The following RPTOR variants were observed in gnomAD, a reference collection of about 807,000 sequenced individuals.
The protein encoded by RPTOR is regulatory-associated protein of mTOR.
RPTOR carries 21 observed loss-of-function variants against 169.9 expected under a neutral mutation model. The observed-to-expected ratio is 0.12, with a 90% CI of 0.09 to 0.18. The LOEUF is 0.18. Among genes scored for constraint, RPTOR ranks in the 10% least tolerant of loss-of-function variants. The pLI, the probability that RPTOR is intolerant of heterozygous loss-of-function variation, is 1.00. For missense variants in RPTOR, 1,133 were observed against 1,855.9 expected (o/e 0.61, Z 7.16); for synonymous variants, 732 against 753.2 (o/e 0.97, Z 0.46).
At chr17:80,891,917 C>T in intron 18 of RPTOR, 80 bp downstream of exon 18, 1 of 940,118 alleles carries the variant, frequency 1.1e-6, no homozygotes, top group Non-Finnish European at 1.7e-6. Flanking sequence ...TCTTGCTCAC[C>T]CTCGCAGAGT....
chr17:80,895,478 C>T (rs1029666029), intron 20 of RPTOR, among the ~76,000 whole-genome samples: 1 of 152,338 alleles, frequency 6.6e-6, no homozygotes, highest in African/African-American at 2.4e-5. Flanking sequence ...GCTTGAGAGC[C>T]GCACGTGCAG....
chr17:80,874,438 A>G (rs1459534569), intron 13 of RPTOR, among the ~76,000 whole-genome samples: 6 of 151,808 alleles, frequency 4.0e-5, no homozygotes, highest in Admixed American at 3.3e-4. Flanking sequence ...CTCATGATCC[A>G]CCCGCCTCGG....
intron 7 of RPTOR, among the ~76,000 whole-genome samples, chr17:80,815,550 G>T (rs1181127125): frequency 6.6e-6 from 1 of 152,248 alleles, no homozygotes; most frequent in Non-Finnish European, 1.5e-5. Context: ...AAGTGGGGAA[G>T]TGACATGGCC....
At chr17:80,795,602 A>C (rs2067093577) in intron 7 of RPTOR, among the ~76,000 whole-genome samples, 1 of 152,010 alleles carries the variant, frequency 6.6e-6, no homozygotes, top group Non-Finnish European at 1.5e-5. Context: ...TTAACTGTTA[A>C]TAGTAGGCAG....
In RPTOR at chr17:80,721,257, A is replaced by C. The variant is rs2143159545; in HGVS notation, c.508-9303A>C. ...CATCCTGGGGTCAGTAGGATGAAAGATGTCGTAGCAGCACAGGCAGCACTG... is the reference window on the plus strand; with the variant it reads ...CATCCTGGGGTCAGTAGGATGAAAGCTGTCGTAGCAGCACAGGCAGCACTG... On this transcript the variant is annotated intron_variant, in intron 4 of 33. Transcript: ENST00000306801. The surrounding 1 kb of genome is among the most constrained non-coding windows in gnomAD (Gnocchi z 4.7). Among the ~76,000 whole-genome samples, 1 of 151,390 alleles carries C rather than the reference A, an allele frequency of 6.6e-6. No homozygotes were observed. The highest frequency in any genetic ancestry group is 1.9e-4 in the East Asian group (1 of 5,186).
chr17:80,888,826 G>A (rs2068281045), intron 17 of RPTOR, among the ~76,000 whole-genome samples: 1 of 152,258 alleles, frequency 6.6e-6, no homozygotes, highest in Admixed American at 6.5e-5. Flanking sequence ...CCCTGGAGCT[G>A]GGGGAGGGGC....
At chr17:80,639,708 C>A (rs1048395379) in intron 2 of RPTOR, among the ~76,000 whole-genome samples, 4 of 152,194 alleles carry the variant, frequency 2.6e-5, no homozygotes, top group Non-Finnish European at 5.9e-5. Context: ...GCCATTGGGC[C>A]AGATTGAGGA....
At chr17:80,737,281 G>T (rs1027886795) in intron 5 of RPTOR, among the ~76,000 whole-genome samples, 1 of 152,210 alleles carries the variant, frequency 6.6e-6, no homozygotes, top group African/African-American at 2.4e-5. Context: ...GAAGTAGGGG[G>T]CGCTGGCTGC....
chr17:80,788,761 A>C (rs561607537), intron 6 of RPTOR, among the ~76,000 whole-genome samples: 5 of 152,364 alleles, frequency 3.3e-5, no homozygotes, highest in Admixed American at 2.6e-4. Context: ...AATGGTCGCC[A>C]AATAATAAGC....
chr17:80,898,114 T>G (rs2143896682), intron 20 of RPTOR, among the ~76,000 whole-genome samples: 1 of 152,306 alleles, frequency 6.6e-6, no homozygotes, highest in Non-Finnish European at 1.5e-5. Context: ...TGTATTCCAT[T>G]TCTTTAATGC....
chr17:80,868,485 G>A (rs1288256860), intron 13 of RPTOR, among the ~76,000 whole-genome samples: 7 of 152,204 alleles, frequency 4.6e-5, no homozygotes, highest in Non-Finnish European at 1.0e-4. Flanking sequence ...TCAAGTGTCG[G>A]CAAGGCCGTG....
chr17:80,933,590 T>C (rs1212681744), intron 24 of RPTOR, among the ~76,000 whole-genome samples: 1 of 152,198 alleles, frequency 6.6e-6, no homozygotes, highest in African/African-American at 2.4e-5. Context: ...CAGCCTTTTT[T>C]GCAAAAATTG....
At chr17:80,699,239 A>G (rs1348839873) in intron 3 of RPTOR, among the ~76,000 whole-genome samples, 2 of 152,282 alleles carry the variant, frequency 1.3e-5, no homozygotes, top group African/African-American at 4.8e-5. Context: ...GTATGTGCAC[A>G]AATATTTATT....
chr17:80,600,976 C>T (rs1404140758), intron 1 of RPTOR, among the ~76,000 whole-genome samples: 1 of 151,848 alleles, frequency 6.6e-6, no homozygotes. Flanking sequence ...CATTGAGAGG[C>T]GAAGTTGCTG....
chr17:80,667,731 T>G (rs1401165284), intron 3 of RPTOR, among the ~76,000 whole-genome samples: 2 of 152,188 alleles, frequency 1.3e-5, no homozygotes, highest in African/African-American at 2.4e-5. Flanking sequence ...TGGAGGCTCC[T>G]TCATTTGCTT....
Position 80,965,130 on chromosome 17 carries a change from T to C in RPTOR, c.*800T>C. The C allele has an allele frequency of 4.3e-6, 1 of 233,284 alleles. No individual in the cohort carries two copies. Among genetic ancestry groups the C allele is most frequent in the Non-Finnish European group, 8.5e-6 (1 of 118,058 alleles). The allele number at this position is 233,284 out of a possible 1,614,324, so 14.5% of individuals were successfully genotyped here. A position where few individuals can be genotyped will look rare whatever the true frequency, so the allele number is the denominator to read the frequency against. On this transcript the variant is annotated 3_prime_UTR_variant, in exon 34 of 34. Coordinates refer to ENST00000306801, the MANE Select transcript of RPTOR (RefSeq NM_020761.3). ...TAGCCCCTGCCTTAATCCACGGGGC[T>C]CCTTTCCCTCCGAAGGGCTGCTCTT...
intron 13 of RPTOR, among the ~76,000 whole-genome samples, chr17:80,863,140 G>T (rs2067939381): frequency 6.6e-6 from 1 of 152,326 alleles, no homozygotes; most frequent in African/African-American, 2.4e-5. Context: ...TGCCACCGGG[G>T]AGAAGTGTGT....
chr17:80,619,183 C>T (rs747961678), intron 1 of RPTOR, among the ~76,000 whole-genome samples: 24 of 151,968 alleles, frequency 1.6e-4, no homozygotes, highest in Non-Finnish European at 2.8e-4. Flanking sequence ...TGTGGCCAGC[C>T]CCAGTCTTGC....
chr17:80,656,464 A>G (rs902016197), intron 3 of RPTOR, among the ~76,000 whole-genome samples: 1 of 152,270 alleles, frequency 6.6e-6, no homozygotes, highest in African/African-American at 2.4e-5. Context: ...AATGAGGCGA[A>G]GCACAGAACA....
Sources: gnomAD v4.1 joint callset for allele counts (sites outside exome capture counted in the v4.1 genomes callset) on GRCh38, gnomAD v4.1.1 for gene constraint, Gnocchi (gnomAD v3.1) non-coding constraint, MANE v1.5 for transcripts, NCBI Gene and HGNC (gene_info 2026-07-23, HGNC 2026-07-21) for gene names.